Variants in UNC5B observed in about 807,000 individuals in gnomAD.
The protein encoded by UNC5B is netrin receptor UNC5B.
UNC5B carries 56 observed loss-of-function variants against 103.7 expected under a neutral mutation model. That is an observed-to-expected ratio of 0.54 (90% CI 0.44 to 0.67). The LOEUF (loss-of-function observed/expected upper bound fraction) is 0.67. UNC5B is among the 30% of genes least tolerant of loss of function. UNC5B has a pLI of 0.00. For synonymous variants in UNC5B, 577 were observed against 542.0 expected (o/e 1.06, Z -0.90); for missense variants, 1,194 against 1,284.5 (o/e 0.93, Z 1.08).
intron 1 of UNC5B, among the ~76,000 whole-genome samples, chr10:71,276,966 C>A (rs903287703): frequency 1.1e-4 from 16 of 152,206 alleles, no homozygotes; most frequent in Non-Finnish European, 2.1e-4. Flanking sequence ...ACTTGGCCTG[C>A]GCCCCTGCCA....
intron 8 of UNC5B, among the ~76,000 whole-genome samples, chr10:71,290,607 C>T (rs1845221866): frequency 6.6e-6 from 1 of 152,236 alleles, no homozygotes; most frequent in Non-Finnish European, 1.5e-5. Context: ...GCCCCAGTGA[C>T]TCTGAGCCAC....
chr10:71,284,178 G>A (rs559264260), intron 2 of UNC5B, among the ~76,000 whole-genome samples: 3 of 152,244 alleles, frequency 2.0e-5, no homozygotes, highest in South Asian at 4.2e-4. Context: ...GGGTGGAGGG[G>A]GCTTTCCTCG....
At chr10:71,224,415 A>ACACACACACACACACACG (rs1354437814) in intron 1 of UNC5B, among the ~76,000 whole-genome samples, 1 of 149,454 alleles carries the variant, frequency 6.7e-6, no homozygotes, top group African/African-American at 2.5e-5. Context: ...ACACACACAC[A>ACACACACACACACACACG]CGAAATGACA....
chr10:71,261,256 A>G (rs1486671443), intron 1 of UNC5B, among the ~76,000 whole-genome samples: 1 of 152,184 alleles, frequency 6.6e-6, no homozygotes, highest in East Asian at 1.9e-4. Context: ...GGGGTGGAAT[A>G]TCTTCATCAC....
intron 2 of UNC5B, among the ~76,000 whole-genome samples, chr10:71,280,565 A>T (rs1371198026): frequency 6.6e-6 from 1 of 152,236 alleles, no homozygotes; most frequent in African/African-American, 2.4e-5. Context: ...TGGTGCTGGG[A>T]TGTAGACCAA....
chr10:71,228,088 G>A (rs551880499), intron 1 of UNC5B, among the ~76,000 whole-genome samples: 1 of 152,204 alleles, frequency 6.6e-6, no homozygotes, highest in Non-Finnish European at 1.5e-5. Flanking sequence ...AACAAAGGTG[G>A]TATCACAGGT....
At chr10:71,283,119 CAAAAA>C (rs36031947) in intron 2 of UNC5B, among the ~76,000 whole-genome samples, 2 of 145,006 alleles carry the variant, frequency 1.4e-5, no homozygotes, top group South Asian at 4.4e-4. Context: ...GACTCCGTCT[CAAAAA>C]AAAAAAGAGA....
chr10:71,302,581 T>C lies in UNC5B; in HGVS notation c.*3304T>C, dbSNP rs1264660751. 1.3e-5 allele frequency: 2 copies of C among 152,090 alleles called. No homozygotes were observed. The highest frequency in any genetic ancestry group is 2.9e-5 in the Non-Finnish European group (2 of 68,022). The allele number at this position is 152,090 out of a possible 1,614,324, so 9.4% of individuals were successfully genotyped here. A position where few individuals can be genotyped will look rare whatever the true frequency, so the allele number is the denominator to read the frequency against. On this transcript the variant is annotated 3_prime_UTR_variant, in exon 17 of 17. Coordinates refer to ENST00000335350, the MANE Select transcript of UNC5B (RefSeq NM_170744.5). The stretch of plus-strand genomic sequence containing the variant: ...TCATCTCCTGGACCCTCCAGGGCAC[T>C]CTGGTCCCTATTCCCCAGCTCCTAG...
chr10:71,224,276 A>T (rs1843513288), intron 1 of UNC5B, among the ~76,000 whole-genome samples: 1 of 146,408 alleles, frequency 6.8e-6, no homozygotes, highest in South Asian at 2.2e-4. Context: ...CACACCAGGA[A>T]AGCCGGGGCT....
At chr10:71,291,287 C>G in intron 9 of UNC5B, 145 bp from the exon 10 acceptor site, 2 of 1,373,228 alleles carry the variant, frequency 1.5e-6, no homozygotes, top group South Asian at 2.8e-5. Flanking sequence ...AAGGGAGTGA[C>G]CCAGGCTGCG....
At chr10:71,249,541 T>C (rs564598968) in intron 1 of UNC5B, among the ~76,000 whole-genome samples, 14 of 152,274 alleles carry the variant, frequency 9.2e-5, no homozygotes, top group African/African-American at 3.1e-4. Context: ...GCCGAGACCA[T>C]GCTATACAGG....
chr10:71,291,666 C>T lies in UNC5B; in HGVS notation c.1529C>T (p.Thr510Ile). 1 of 1,613,820 alleles carries T rather than the reference C, an allele frequency of 6.2e-7. No individual in the cohort carries two copies. ...CTGCTGGGGGTCTTGCCGCCTGGCA[C>T]ATACCCTAGCGATTTCGCCCGGGAC... ...ADLLGVLPPGTYPSDFARDTH... is the reference protein window; with the variant it reads ...ADLLGVLPPGIYPSDFARDTH... Residue 510 changes from threonine to isoleucine, a missense_variant, in exon 10 of 17, where the codon ACA (threonine) becomes ATA (isoleucine). Transcript: ENST00000335350.
intron 1 of UNC5B, among the ~76,000 whole-genome samples, chr10:71,265,057 A>G (rs1242476944): frequency 6.6e-6 from 1 of 152,030 alleles, no homozygotes; most frequent in Non-Finnish European, 1.5e-5. Context: ...GTGACATTAG[A>G]CAAGTAACTT....
chr10:71,293,264 G>A (rs563556305), intron 11 of UNC5B, 141 bp from the exon 12 acceptor site: 4 of 922,718 alleles, frequency 4.3e-6, no homozygotes, highest in Non-Finnish European at 6.2e-6. Context: ...TTGCCCCCAT[G>A]ACCTCTGGGA....
intron 1 of UNC5B, among the ~76,000 whole-genome samples, chr10:71,272,153 T>A (rs764402088): frequency 1.3e-5 from 2 of 152,150 alleles, no homozygotes; most frequent in African/African-American, 4.8e-5. Flanking sequence ...ACGCAGTGAA[T>A]GGGAGAGATT....
intron 1 of UNC5B, among the ~76,000 whole-genome samples, chr10:71,267,825 C>T (rs1460373718): frequency 6.6e-6 from 1 of 152,234 alleles, no homozygotes; most frequent in Non-Finnish European, 1.5e-5. Flanking sequence ...GCTGCTCACC[C>T]AAACCCAGGG....
At chr10:71,290,871 G>A (rs1422748345) in intron 8 of UNC5B, 44 bp from the exon 9 acceptor site, 2 of 1,568,182 alleles carry the variant, frequency 1.3e-6, no homozygotes, top group African/African-American at 1.4e-5. Flanking sequence ...TTGCCCCAGG[G>A]CCTGGTCTCT....
chr10:71,252,717 G>C (rs1229078809), intron 1 of UNC5B, among the ~76,000 whole-genome samples: 1 of 152,200 alleles, frequency 6.6e-6, no homozygotes, highest in Non-Finnish European at 1.5e-5. Flanking sequence ...TTTGCCCAAG[G>C]CCAGACCCCT....
intron 11 of UNC5B, among the ~76,000 whole-genome samples, chr10:71,292,919 A>G (rs948364780): frequency 1.3e-5 from 2 of 152,234 alleles, no homozygotes; most frequent in Admixed American, 6.5e-5. Flanking sequence ...GAAAATGTTT[A>G]GTCTAATTTG....
Sources: gnomAD v4.1 joint callset for allele counts (sites outside exome capture counted in the v4.1 genomes callset) on GRCh38, gnomAD v4.1.1 for gene constraint, MANE v1.5 for transcripts, NCBI Gene and HGNC (gene_info 2026-07-23, HGNC 2026-07-21) for gene names.